Variants in PSMC3IP observed in about 807,000 individuals in gnomAD.
The protein encoded by PSMC3IP is homologous-pairing protein 2 homolog.
Under a neutral mutation model 34.9 loss-of-function variants are expected in PSMC3IP, and 26 were observed. The observed-to-expected ratio is 0.74, with a 90% confidence interval of 0.55 to 1.03. PSMC3IP has a LOEUF of 1.03. Ranked by LOEUF, PSMC3IP falls within the 50% of genes least tolerant of loss-of-function variation. The pLI, the probability that PSMC3IP is intolerant of heterozygous loss-of-function variation, is 0.00. For missense variants in PSMC3IP, 250 were observed against 263.1 expected (o/e 0.95, Z 0.34); for synonymous variants, 87 against 96.5 (o/e 0.90, Z 0.57).
chr17:42,576,920 C>T, intron 3 of PSMC3IP: 1 of 459,088 alleles, frequency 2.2e-6, no homozygotes, highest in East Asian at 5.4e-5. Context: ...GCAGGAGGAA[C>T]ATCATTTGGC....
In PSMC3IP at chr17:42,572,430, A is replaced by G. The variant is rs2093038388; in HGVS notation, c.*538T>C. On this transcript the variant is annotated 3_prime_UTR_variant, in exon 8 of 8. Transcript: ENST00000393795. ...TGTCAAGCATATCTTGGCCTCTCCC[A>G]TGTCTCAGTGTTGCCTGCATTTCTC... 2 of 454,572 alleles carry G rather than the reference A, an allele frequency of 4.4e-6. No homozygotes were observed. The highest frequency in any genetic ancestry group is 8.8e-6 in the Non-Finnish European group (2 of 226,768). The allele number at this position is 454,572 out of a possible 1,614,324, so 28.2% of individuals were successfully genotyped here. A position where few individuals can be genotyped will look rare whatever the true frequency, so the allele number is the denominator to read the frequency against.
At position 42,573,478 on chromosome 17, in the gene PSMC3IP, C is replaced by T. The variant is rs150572842; in HGVS notation, c.483G>A (p.Gln161=). The T allele has an allele frequency of 3.1e-6, 5 of 1,614,162 alleles. No individual in the cohort carries two copies. Among genetic ancestry groups the T allele is most frequent in the Admixed American group, 1.7e-5 (1 of 60,016 alleles). The change falls in exon 5 of 8, where the codon CAG becomes CAA. Residue 161 remains glutamine, a splice_region_variant and synonymous_variant. Coordinates refer to ENST00000393795, the MANE Select transcript of PSMC3IP (RefSeq NM_016556.4). ...GCGGTCCTACAGCCTTCCAGCTCAC[C>T]TGCTCTTTCTCTTCTGGAGTCACAT... The part of the protein sequence containing the change: ...TNHVTPEEKE[Q]VYRERQKYCK...
intron 4 of PSMC3IP, 39 bp from the exon 5 acceptor site, chr17:42,573,662 A>G: frequency 1.2e-6 from 2 of 1,608,906 alleles, no homozygotes; most frequent in South Asian, 1.1e-5. Context: ...GCTACCCCTG[A>G]GGAAGGAGTT....
At chr17:42,574,959 G>C (rs1220294871) in intron 3 of PSMC3IP, among the ~76,000 whole-genome samples, 1 of 152,166 alleles carries the variant, frequency 6.6e-6, no homozygotes, top group East Asian at 1.9e-4. Flanking sequence ...TCACCACGTT[G>C]CCCAGGCTGG....
rs772402352 is a variant in PSMC3IP, at chr17:42,573,147, G to GCAT, written c.554_556dup (p.Asp185dup). 6.2e-7 allele frequency: 1 copy of GCAT among 1,614,226 alleles called. No individual in the cohort carries two copies. The highest frequency in any genetic ancestry group is 8.5e-7 in the Non-Finnish European group (1 of 1,180,040). ...GCTCTTGGGGTATCCTTCAAGTATT[G>GCAT]CATCAGACAGCTCTGTAGCCTGACA... is the stretch of plus-strand genomic sequence containing the variant. On this transcript the variant is annotated inframe_insertion, in exon 7 of 8. Transcript: ENST00000393795.
chr17:42,575,927 G>C lies in PSMC3IP; in HGVS notation c.225+1286C>G, dbSNP rs1414606145. ...CCCAGCTACTCTGGGAGGCTGAGGC[G>C]GGGGAATGGCGTGAACCCAGGAGGT... On this transcript the variant is annotated intron_variant, in intron 3 of 7. Transcript: ENST00000393795. 3.3e-5 allele frequency among the ~76,000 whole-genome samples: 5 copies of C among 152,024 alleles called. No individual in the cohort carries two copies. In the South Asian group the frequency reaches 1.0e-3, roughly 32 times the overall value.
chr17:42,572,973 G>A lies in PSMC3IP; in HGVS notation c.649C>T (p.Pro217Ser). 1 of 1,614,124 alleles carries A rather than the reference G, an allele frequency of 6.2e-7. No homozygotes were observed. Among genetic ancestry groups the A allele is most frequent in the Non-Finnish European group, 8.5e-7 (1 of 1,180,022 alleles). The change falls in exon 8 of 8, where the codon CCC becomes TCC. Residue 217 changes from proline to serine, a missense_variant. Physicochemically the swap from Pro to Ser is moderately conservative, Grantham distance 74. Coordinates refer to ENST00000393795, the MANE Select transcript of PSMC3IP (RefSeq NM_016556.4). ...CAGTCCTGACCGTGGGCCCCTCAGG[G>A]GTCTGGGAGTGTGACGTTGTAATCT... ...DEDYNVTLPD[P>S]
At chr17:42,575,348 A>G (rs1567914438) in intron 3 of PSMC3IP, among the ~76,000 whole-genome samples, 2 of 152,240 alleles carry the variant, frequency 1.3e-5, no homozygotes, top group Non-Finnish European at 2.9e-5. Context: ...GTTCATTTAC[A>G]TAGTCTACAG....
At position 42,577,195 on chromosome 17, in the gene PSMC3IP, G is replaced by A. The variant is rs1187881071; in HGVS notation, c.225+18C>T. On this transcript the variant is annotated intron_variant, in intron 3 of 7. Coordinates refer to ENST00000393795, the MANE Select transcript of PSMC3IP (RefSeq NM_016556.4). ...TGTCGGGCTCTCATGGGTGACAATC[G>A]GCGCAAGTTCTCCTCACCTGATCCG... 1.2e-6 allele frequency: 2 copies of A among 1,613,884 alleles called. No homozygotes were observed. The highest frequency in any genetic ancestry group is 1.7e-5 in the Admixed American group (1 of 59,992).
At position 42,577,497 on chromosome 17, in the gene PSMC3IP, G is replaced by A. The variant is rs766907982; in HGVS notation, c.99C>T (p.Phe33=). The change falls in exon 2 of 8, where the codon TTC becomes TTT. Residue 33 remains phenylalanine (F), a synonymous_variant. Coordinates refer to ENST00000393795, the MANE Select transcript of PSMC3IP (RefSeq NM_016556.4). ...QNRPYSSQDV[F]GNLQREHGLG... ...GTCCGTGTTCCCGCTGTAGGTTCCCGAACACATCCTGGGAGCTGTAGGGCC... is the reference window on the plus strand; with the variant it reads ...GTCCGTGTTCCCGCTGTAGGTTCCCAAACACATCCTGGGAGCTGTAGGGCC... 14 of 1,614,012 alleles carry A rather than the reference G, an allele frequency of 8.7e-6. No individual in the cohort carries two copies. Among genetic ancestry groups the A allele is most frequent in the Admixed American group, 1.7e-5 (1 of 60,002 alleles).
chr17:42,574,474 A>C (rs1047168556), intron 3 of PSMC3IP: 11 of 998,944 alleles, frequency 1.1e-5, no homozygotes, highest in Non-Finnish European at 1.5e-5. Context: ...TTAGGACAGA[A>C]ATCTTCCCAT....
At chr17:42,574,948 T>C (rs1597725261) in intron 3 of PSMC3IP, among the ~76,000 whole-genome samples, 1 of 152,182 alleles carries the variant, frequency 6.6e-6, no homozygotes, top group East Asian at 1.9e-4. Context: ...GAGAAGGGGT[T>C]TCACCACGTT....
rs750111313 is a variant in PSMC3IP, at chr17:42,572,989, G to A, written c.633C>T (p.Asn211=). 26 of 1,614,040 alleles carry A rather than the reference G, an allele frequency of 1.6e-5. No individual in the cohort carries two copies. Among genetic ancestry groups the A allele is most frequent in the African/African-American group, 2.7e-5 (2 of 74,924 alleles). ...CCCCTCAGGGGTCTGGGAGTGTGAC[G>A]TTGTAATCTTCATCCGTCTCTATCC... is the stretch of plus-strand genomic sequence containing the variant. The part of the protein sequence containing the change: ...EVGIETDEDY[N]VTLPDP The change falls in exon 8 of 8, where the codon AAC becomes AAT. Residue 211 remains asparagine, a synonymous_variant. Transcript: ENST00000393795.
chr17:42,573,231 A>T, intron 6 of PSMC3IP, 65 bp from the exon 7 acceptor site: 1 of 1,614,018 alleles, frequency 6.2e-7, no homozygotes, highest in Non-Finnish European at 8.5e-7. Flanking sequence ...TCAGTTTATG[A>T]TATTGTGTAG....
intron 2 of PSMC3IP, 43 bp from the exon 3 acceptor site, chr17:42,577,345 TG>T: frequency 6.2e-7 from 1 of 1,611,100 alleles, no homozygotes; most frequent in Non-Finnish European, 8.5e-7. Context: ...AGTCTGAGCC[TG>T]GGTCTGGGGA....
In PSMC3IP at chr17:42,572,787, AG is replaced by A. The variant is rs756943581; in HGVS notation, c.*180del. On this transcript the variant is annotated 3_prime_UTR_variant, in exon 8 of 8. Coordinates refer to ENST00000393795, the MANE Select transcript of PSMC3IP (RefSeq NM_016556.4). Reference sequence around the variant, plus strand: ...AATGAAATGGGCTGGGTCTACCCCCAGCCACCAGCCCTCATCCTCTCTACCC... The same window carrying A: ...AATGAAATGGGCTGGGTCTACCCCCACCACCAGCCCTCATCCTCTCTACCC... 4.0e-6 allele frequency: 3 copies of A among 745,852 alleles called. No homozygotes were observed. In the African/African-American group the frequency reaches 5.2e-5, roughly 13 times the overall value. The allele number at this position is 745,852 out of a possible 1,614,324, so 46.2% of individuals were successfully genotyped here.
rs754391400 is a variant in PSMC3IP at position 42,573,525 on chromosome 17, T to TC, written c.435dup (p.Asn146GlufsTer3). 6.2e-7 allele frequency: 1 copy of TC among 1,614,240 alleles called. No individual in the cohort carries two copies. Among genetic ancestry groups the TC allele is most frequent in the Admixed American group, 1.7e-5 (1 of 60,028 alleles). ...ACATGATTGGTAGCTGCTTTAATGT[T>TC]CTTCAATCTCTCTCTGTAGCCAGCG... is the stretch of plus-strand genomic sequence containing the variant. On this transcript the variant is annotated frameshift_variant, in exon 5 of 8. Transcript: ENST00000393795. LOFTEE classifies it high-confidence loss of function.
chr17:42,573,087 A>C lies in PSMC3IP; in HGVS notation c.597+20T>G. ...GGATAAGACCACAGGGAAGCAAAGA[A>C]GGAAGAGAGCTCCACTTACAAAGAA... is the stretch of plus-strand genomic sequence containing the variant. On this transcript the variant is annotated intron_variant, in intron 7 of 7. Transcript: ENST00000393795. 6.2e-7 allele frequency: 1 copy of C among 1,614,150 alleles called. No homozygotes were observed. Among genetic ancestry groups the C allele is most frequent in the Non-Finnish European group, 8.5e-7 (1 of 1,180,022 alleles).
chr17:42,575,853 CAAAAAAAA>C (rs971478774), intron 3 of PSMC3IP, among the ~76,000 whole-genome samples: 4 of 100,482 alleles, frequency 4.0e-5, no homozygotes, highest in African/African-American at 7.3e-5. Flanking sequence ...CTAAAAATAC[CAAAAAAAA>C]AAAAAAAAAA....
Sources: allele counts gnomAD v4.1 joint callset (sites outside exome capture counted in the v4.1 genomes callset), GRCh38; gene constraint gnomAD v4.1.1; transcripts MANE v1.5; gene names NCBI Gene and HGNC (gene_info 2026-07-23, HGNC 2026-07-21).